SYN3: variants seen among roughly 807,000 people sequenced by gnomAD.
SYN3 encodes the protein synapsin-3.
SYN3 carries 35 observed loss-of-function variants against 65.8 expected under a neutral mutation model. That is an observed-to-expected ratio of 0.53 (90% CI 0.41 to 0.70). The LOEUF (loss-of-function observed/expected upper bound fraction) is 0.70, where lower values mean the gene tolerates loss of function less well. Among genes scored for constraint, SYN3 ranks in the 30% least tolerant of loss-of-function variants. The probability of loss-of-function intolerance (pLI) is 0.00; values close to 1 mark genes in which losing one functional copy is unlikely to be tolerated. For synonymous variants in SYN3, 270 were observed against 292.9 expected, an observed-to-expected ratio of 0.92 and a Z score of 0.80; for missense variants, 680 against 749.0, an observed-to-expected ratio of 0.91 and a Z score of 1.08.
At chr22:32,597,888 T>C (rs2059224853) in intron 6 of SYN3, among the ~76,000 whole-genome samples, 1 of 152,194 alleles carries the variant, frequency 6.6e-6, no homozygotes, top group Admixed American at 6.5e-5. Context: ...GGAAAGACTG[T>C]ATACTTCCCC....
At chr22:32,581,701 A>G (rs910717144) in intron 7 of SYN3, among the ~76,000 whole-genome samples, 1 of 152,090 alleles carries the variant, frequency 6.6e-6, no homozygotes, top group East Asian at 1.9e-4. Context: ...TTAGTTGCCA[A>G]TATTTAAAAA....
At chr22:32,738,131 A>C (rs1354884984) in intron 6 of SYN3, among the ~76,000 whole-genome samples, 1 of 151,936 alleles carries the variant, frequency 6.6e-6, no homozygotes, top group East Asian at 1.9e-4. Flanking sequence ...TATGCTAAGC[A>C]CTCCACATCT....
chr22:32,699,462 A>G (rs1183682637), intron 6 of SYN3, among the ~76,000 whole-genome samples: 2 of 152,206 alleles, frequency 1.3e-5, no homozygotes. Context: ...TTGCAGAGAC[A>G]GGAGGTGGTG....
At chr22:32,790,011 G>C (rs2046283145) in intron 6 of SYN3, among the ~76,000 whole-genome samples, 2 of 152,214 alleles carry the variant, frequency 1.3e-5, no homozygotes, top group South Asian at 4.1e-4. Flanking sequence ...AACTCTGTGA[G>C]GTAGGCGCTA....
chr22:32,549,820 T>C (rs2858339), intron 7 of SYN3, among the ~76,000 whole-genome samples: 116,327 of 151,234 alleles, frequency 0.77, 45,196 homozygotes, highest in East Asian at 0.91. Context: ...ACCCAGGAGG[T>C]GGAGGTTGCA....
chr22:32,912,108 C>T (rs567222455), intron 4 of SYN3, among the ~76,000 whole-genome samples: 3 of 152,242 alleles, frequency 2.0e-5, no homozygotes, highest in South Asian at 2.1e-4. Flanking sequence ...CACAGTTCCC[C>T]GACACAAAGC....
chr22:32,983,563 G>A (rs1165886184), intron 2 of SYN3, among the ~76,000 whole-genome samples: 1 of 152,194 alleles, frequency 6.6e-6, no homozygotes, highest in Non-Finnish European at 1.5e-5. Context: ...TGTCAACTAG[G>A]CGGTAGTTTA....
At chr22:32,564,428 T>C (rs2058630375) in intron 7 of SYN3, among the ~76,000 whole-genome samples, 1 of 152,200 alleles carries the variant, frequency 6.6e-6, no homozygotes, top group South Asian at 2.1e-4. Flanking sequence ...CAGCCTTTAT[T>C]GAATGCTTTT....
intron 6 of SYN3, among the ~76,000 whole-genome samples, chr22:32,642,975 A>T (rs2146895284): frequency 6.6e-6 from 1 of 152,350 alleles, no homozygotes; most frequent in South Asian, 2.1e-4. Context: ...TAATATGCTG[A>T]TCCATATGGA....
chr22:33,041,598 T>A (rs1216294077), intron 1 of SYN3, among the ~76,000 whole-genome samples: 2 of 152,026 alleles, frequency 1.3e-5, no homozygotes, highest in Non-Finnish European at 2.9e-5. Context: ...ATGCCCGGCC[T>A]GCACTAGGAA....
rs148064745 is a variant in SYN3 at position 32,724,519 on chromosome 22, G to A, written c.712-127783C>T. 6.8e-3 allele frequency among the ~76,000 whole-genome samples: 1,038 copies of A among 152,282 alleles called. 2 individuals are homozygous for A. The highest frequency in any genetic ancestry group is 0.011 in the Non-Finnish European group (741 of 68,026). On this transcript the variant is annotated intron_variant, in intron 6 of 13. Coordinates refer to ENST00000358763, the MANE Select transcript of SYN3 (RefSeq NM_003490.4). ...TCTCCTTTTCCTGTTAATAAAATGA[G>A]GGACAGTAACATTACTTATCTAATA... is the stretch of plus-strand genomic sequence containing the variant.
At chr22:32,579,345 G>A (rs942963749) in intron 7 of SYN3, among the ~76,000 whole-genome samples, 3 of 152,146 alleles carry the variant, frequency 2.0e-5, no homozygotes, top group African/African-American at 7.2e-5. Flanking sequence ...TCTGCAGGCT[G>A]GGAAGTCCAA....
intron 6 of SYN3, among the ~76,000 whole-genome samples, chr22:32,619,951 C>T (rs2059572011): frequency 6.6e-6 from 1 of 152,176 alleles, no homozygotes. Context: ...AGCCAGCTGA[C>T]CTCCAAACAC....
chr22:32,550,364 TAA>T (rs34370251), intron 7 of SYN3, among the ~76,000 whole-genome samples: 60,560 of 144,464 alleles, frequency 0.42, 12,900 homozygotes, highest in East Asian at 0.72. Flanking sequence ...TTAACCACAT[TAA>T]AAAAAAAAAA....
chr22:33,055,416 C>T (rs529494169), intron 1 of SYN3, among the ~76,000 whole-genome samples: 4 of 152,282 alleles, frequency 2.6e-5, no homozygotes, highest in South Asian at 2.1e-4. Context: ...TTGATCTTGG[C>T]GTTGCCGGAT....
At chr22:33,039,877 C>T (rs986087271) in intron 1 of SYN3, among the ~76,000 whole-genome samples, 1 of 152,054 alleles carries the variant, frequency 6.6e-6, no homozygotes, top group Admixed American at 6.6e-5. Context: ...GGGATTTTTG[C>T]TTATTTTTTT....
rs184388995 is a variant in SYN3 at position 32,945,244 on chromosome 22, A to C, written c.370-13763T>G. Among the ~76,000 whole-genome samples, 317 of 152,348 alleles carry C rather than the reference A, an allele frequency of 2.1e-3. 1 individual carries two copies. The highest frequency in any genetic ancestry group is 7.0e-3 in the African/African-American group (290 of 41,582). ...AGCCCACACTGCCAAGACAATCCTAAGCGAAAGAACAAAACTGGAGGCATC... is the reference window on the plus strand; with the variant it reads ...AGCCCACACTGCCAAGACAATCCTACGCGAAAGAACAAAACTGGAGGCATC... On this transcript the variant is annotated intron_variant, in intron 3 of 13. Coordinates refer to ENST00000358763, the MANE Select transcript of SYN3 (RefSeq NM_003490.4).
intron 6 of SYN3, among the ~76,000 whole-genome samples, chr22:32,794,387 G>T (rs1180685150): frequency 2.6e-5 from 4 of 152,150 alleles, no homozygotes; most frequent in Non-Finnish European, 5.9e-5. Context: ...TGGTTGGTTT[G>T]CTGAGCTCTT....
intron 9 of SYN3, among the ~76,000 whole-genome samples, chr22:32,536,937 G>A (rs1218155827): frequency 1.3e-5 from 2 of 152,194 alleles, no homozygotes; most frequent in African/African-American, 4.8e-5. Flanking sequence ...CCGATACAGA[G>A]TTCTTAGAGG....
Sources: allele counts gnomAD v4.1 joint callset (sites outside exome capture counted in the v4.1 genomes callset), GRCh38; gene constraint gnomAD v4.1.1; transcripts MANE v1.5; gene names NCBI Gene and HGNC (gene_info 2026-07-23, HGNC 2026-07-21).